CFAP54: variants seen among roughly 807,000 people sequenced by gnomAD.
CFAP54 encodes the protein cilia- and flagella-associated protein 54.
A neutral mutation model predicts 370.4 loss-of-function variants in CFAP54; 290 were observed. The ratio of observed to expected loss-of-function variants is 0.78; its 90% CI spans 0.71 to 0.86. The LOEUF (loss-of-function observed/expected upper bound fraction) is 0.86. Among genes scored for constraint, CFAP54 ranks in the 40% least tolerant of loss-of-function variants. The probability of loss-of-function intolerance (pLI) is 0.00; values close to 1 mark genes in which losing one functional copy is unlikely to be tolerated. For missense variants in CFAP54, 3,399 were observed against 3,528.7 expected (o/e 0.96, Z 0.93); for synonymous variants, 1,206 against 1,236.5 (o/e 0.98, Z 0.52).
chr12:96,613,033 T>C (rs1484330357), intron 26 of CFAP54, among the ~76,000 whole-genome samples: 1 of 152,192 alleles, frequency 6.6e-6, no homozygotes, highest in Non-Finnish European at 1.5e-5. Flanking sequence ...AATAGACATC[T>C]ACAGAACTCT....
chr12:96,657,988 A>G lies in CFAP54; in HGVS notation c.5207A>G (p.Asn1736Ser). 4 of 1,613,776 alleles carry G rather than the reference A, an allele frequency of 2.5e-6. No individual in the cohort carries two copies. The highest frequency in any genetic ancestry group is 3.4e-6 in the Non-Finnish European group (4 of 1,179,770). Residue 1736 changes from asparagine to serine, a missense_variant, in exon 37 of 68, where the codon AAT becomes AGT. By Grantham distance (46) the Asn-to-Ser change is conservative. Coordinates refer to ENST00000524981, the MANE Select transcript of CFAP54 (RefSeq NM_001306084.2). Reference protein sequence around the residue: ...LTFEHPLDDVNVVDLKWIHDF... With the variant: ...LTFEHPLDDVSVVDLKWIHDF... ...TTTGAGCATCCTTTGGATGATGTAA[A>G]TGTGGTTGATTTGAAATGGATCCAC...
At chr12:96,750,909 G>T (rs926906864) in intron 55 of CFAP54, among the ~76,000 whole-genome samples, 5 of 152,098 alleles carry the variant, frequency 3.3e-5, no homozygotes, top group Admixed American at 2.6e-4. Flanking sequence ...ATATTTACTG[G>T]AAAAAGGAGC....
intron 26 of CFAP54, among the ~76,000 whole-genome samples, chr12:96,601,828 C>G (rs1254992411): frequency 1.3e-5 from 2 of 152,068 alleles, no homozygotes; most frequent in African/African-American, 4.8e-5. Context: ...TTTATTGCAT[C>G]TATTTGATTC....
At chr12:96,773,067 G>A (rs1216477871) in intron 60 of CFAP54, among the ~76,000 whole-genome samples, 1 of 152,166 alleles carries the variant, frequency 6.6e-6, no homozygotes, top group Non-Finnish European at 1.5e-5. Flanking sequence ...TCAACTGTCA[G>A]AGTTCCATTG....
chr12:96,644,546 C>T, intron 33 of CFAP54, 138 bp downstream of exon 33: 1 of 632,352 alleles, frequency 1.6e-6, no homozygotes, highest in East Asian at 2.7e-5. Flanking sequence ...CTCTATTAGT[C>T]TGTTCTCACA....
At chr12:96,772,123 A>G (rs1217364981) in intron 60 of CFAP54, among the ~76,000 whole-genome samples, 1 of 152,150 alleles carries the variant, frequency 6.6e-6, no homozygotes, top group South Asian at 2.1e-4. Flanking sequence ...ATTCTCAAGA[A>G]TCAAAACTCA....
Position 96,686,610 on chromosome 12 carries a change from C to T in CFAP54, c.6014+1372C>T, listed in dbSNP as rs528270235. Among the ~76,000 whole-genome samples the T allele has an allele frequency of 2.0e-5, 3 of 152,100 alleles. No individual in the cohort carries two copies. The East Asian group carries it at 5.8e-4, about 30-fold the overall frequency. On this transcript the variant is annotated intron_variant, in intron 42 of 67. Coordinates refer to ENST00000524981, the MANE Select transcript of CFAP54 (RefSeq NM_001306084.2). ...GGGAGCGAGAAAGAGTGGGAGGTGC[C>T]ACACTCTTTTAAACAACCAGATGTG... is the stretch of plus-strand genomic sequence containing the variant.
intron 1 of CFAP54, among the ~76,000 whole-genome samples, chr12:96,494,308 T>A (rs2136341819): frequency 6.9e-6 from 1 of 144,800 alleles, no homozygotes; most frequent in East Asian, 2.0e-4. Flanking sequence ...CCTTATGTAA[T>A]TTTTTTTTTT....
At chr12:96,495,886 TATCTC>T (rs1365886007) in intron 1 of CFAP54, among the ~76,000 whole-genome samples, 1 of 152,170 alleles carries the variant, frequency 6.6e-6, no homozygotes, top group Non-Finnish European at 1.5e-5. Flanking sequence ...TAGTCATCAT[TATCTC>T]ATCTGTAAGG....
chr12:96,825,783 G>A (rs1293177121), intron 65 of CFAP54, among the ~76,000 whole-genome samples: 43 of 125,788 alleles, frequency 3.4e-4, no homozygotes, highest in Non-Finnish European at 5.1e-4. Flanking sequence ...TACATATTAT[G>A]TAACATAGTA....
At chr12:96,805,079 G>A (rs920450213) in intron 63 of CFAP54, among the ~76,000 whole-genome samples, 10 of 151,994 alleles carry the variant, frequency 6.6e-5, no homozygotes, top group African/African-American at 2.4e-4. Context: ...CATCTTACCA[G>A]ATACAAAACT....
chr12:96,862,025 A>G (rs182248947), intron 67 of CFAP54, among the ~76,000 whole-genome samples: 2 of 151,368 alleles, frequency 1.3e-5, no homozygotes. Flanking sequence ...AGGCCTTTTT[A>G]AAAAAAAATG....
chr12:96,580,514 C>A, intron 20 of CFAP54, 83 bp from the exon 21 acceptor site: 1 of 707,122 alleles, frequency 1.4e-6, no homozygotes, highest in Non-Finnish European at 2.1e-6. Context: ...TGAATCATTA[C>A]ATTTTTATTT....
At chr12:96,676,726 A>C (rs1957213344) in intron 39 of CFAP54, among the ~76,000 whole-genome samples, 1 of 151,906 alleles carries the variant, frequency 6.6e-6, no homozygotes, top group Non-Finnish European at 1.5e-5. Flanking sequence ...TTGTATTTTT[A>C]GTAGAGATGG....
chr12:96,583,237 T>G (rs954650490), intron 22 of CFAP54, among the ~76,000 whole-genome samples: 1 of 152,178 alleles, frequency 6.6e-6, no homozygotes. Flanking sequence ...TTATCTATTT[T>G]CTGTGGCTAT....
In CFAP54 at chr12:96,733,542, G is replaced by GTTTT. The variant is rs35984233; in HGVS notation, c.6966-6400_6966-6397dup. Among the ~76,000 whole-genome samples the GTTTT allele has an allele frequency of 5.6e-3, 780 of 139,008 alleles. 21 individuals are homozygous for GTTTT. The East Asian group carries it at 0.076, about 14-fold the overall frequency. 91.2% of individuals were successfully genotyped at this position (139,008 alleles called of 152,430 possible). On this transcript the variant is annotated intron_variant, in intron 50 of 67. Coordinates refer to ENST00000524981, the MANE Select transcript of CFAP54 (RefSeq NM_001306084.2). Reference sequence around the variant, plus strand: ...GCCTCTTTCTTTCAAAATCCTGTGGGTTTTTTTTTTTTTTTTTAATAAGTG... The same window carrying GTTTT: ...GCCTCTTTCTTTCAAAATCCTGTGGGTTTTTTTTTTTTTTTTTTTTTAATAAGTG...
chr12:96,709,626 T>C (rs1052140057), intron 48 of CFAP54, among the ~76,000 whole-genome samples: 1 of 152,038 alleles, frequency 6.6e-6, no homozygotes, highest in Non-Finnish European at 1.5e-5. Flanking sequence ...TCTATTGATA[T>C]GGTATGTTAC....
At chr12:96,769,949 G>T (rs182904883) in intron 60 of CFAP54, among the ~76,000 whole-genome samples, 3 of 152,288 alleles carry the variant, frequency 2.0e-5, no homozygotes, top group East Asian at 3.9e-4. Context: ...AGCCTGAAAA[G>T]AAATCTGATT....
chr12:96,632,693 C>T (rs1440316298), intron 32 of CFAP54, among the ~76,000 whole-genome samples: 1 of 151,774 alleles, frequency 6.6e-6, no homozygotes, highest in Non-Finnish European at 1.5e-5. Context: ...TATTCTTTTC[C>T]TTCGTGCAAG....
Sources: gnomAD v4.1 joint callset for allele counts (sites outside exome capture counted in the v4.1 genomes callset) on GRCh38, gnomAD v4.1.1 for gene constraint, MANE v1.5 for transcripts, NCBI Gene and HGNC (gene_info 2026-07-23, HGNC 2026-07-21) for gene names.